The following KLF8 variants were observed in gnomAD, a reference collection of about 807,000 sequenced individuals.
KLF8 encodes the protein Krueppel-like factor 8.
KLF8 carries 10 observed loss-of-function variants against 18.2 expected under a neutral mutation model. That is an observed-to-expected ratio of 0.55 (90% CI 0.34 to 0.93). The LOEUF (loss-of-function observed/expected upper bound fraction) is 0.93. Among genes scored for constraint, KLF8 ranks in the 40% least tolerant of loss-of-function variants. The pLI is 0.02. For missense variants in KLF8, 264 were observed against 277.9 expected, an observed-to-expected ratio of 0.95 and a Z score of 0.36; for synonymous variants, 109 against 97.3, an observed-to-expected ratio of 1.12 and a Z score of -0.71.
intron 5 of KLF8, among the ~76,000 whole-genome samples, chrX:56,271,451 CCTT>C (rs896812292): frequency 1.1e-4 from 12 of 111,325 alleles, no homozygotes; most frequent in Non-Finnish European, 7.5e-5. Context: ...CTTGGAGACT[CCTT>C]CTCCATAGTG....
At chrX:56,175,235 G>A in the KLF8 span, among the ~76,000 whole-genome samples, 2 of 111,817 alleles carry the variant, frequency 1.8e-5, no homozygotes, top group African/African-American at 3.3e-5. Context: ...TGGGCATTTA[G>A]TGCTATAAAT....
chrX:56,160,467 C>T, the KLF8 span, among the ~76,000 whole-genome samples: 1 of 111,331 alleles, frequency 9.0e-6, no homozygotes, highest in East Asian at 2.8e-4. Context: ...TCTCGTTGAT[C>T]TGTCTAATGT....
chrX:56,059,136 C>T, the KLF8 span, among the ~76,000 whole-genome samples: 4 of 111,758 alleles, frequency 3.6e-5, no homozygotes, highest in African/African-American at 9.7e-5. Flanking sequence ...GTTTGCTGGC[C>T]GCATAAATGT....
chrX:56,249,280 T>C (rs2066670106), intron 1 of KLF8, among the ~76,000 whole-genome samples: 2 of 112,171 alleles, frequency 1.8e-5, no homozygotes, highest in South Asian at 7.4e-4. Context: ...AAAATGGAAG[T>C]GAGGTACAGA....
At chrX:56,050,051 G>T in the KLF8 span, among the ~76,000 whole-genome samples, 1 of 110,771 alleles carries the variant, frequency 9.0e-6, no homozygotes, top group African/African-American at 3.3e-5. Flanking sequence ...TAGTTTATTT[G>T]CATAGAGGTG....
At chrX:56,138,307 C>T in the KLF8 span, among the ~76,000 whole-genome samples, 1 of 111,533 alleles carries the variant, frequency 9.0e-6, no homozygotes, top group African/African-American at 3.3e-5. Context: ...TCCTCCCTAA[C>T]TCATTTTATG....
At chrX:56,174,044 G>T in the KLF8 span, among the ~76,000 whole-genome samples, 1 of 111,867 alleles carries the variant, frequency 8.9e-6, no homozygotes, top group Non-Finnish European at 1.9e-5. Context: ...TCTGCAAACA[G>T]GGACAATTTG....
the KLF8 span, among the ~76,000 whole-genome samples, chrX:56,183,166 A>G: frequency 8.9e-6 from 1 of 111,983 alleles, no homozygotes; most frequent in African/African-American, 3.2e-5. Context: ...AGCCTCAGCA[A>G]TGGCAGACGC....
At chrX:56,144,442 G>T in the KLF8 span, among the ~76,000 whole-genome samples, 1 of 110,123 alleles carries the variant, frequency 9.1e-6, no homozygotes, top group Non-Finnish European at 1.9e-5. Context: ...TCTAGTATCA[G>T]AATACATAAA....
At chrX:56,131,089 T>A in the KLF8 span, among the ~76,000 whole-genome samples, 1 of 111,692 alleles carries the variant, frequency 9.0e-6, no homozygotes, top group Non-Finnish European at 1.9e-5. Flanking sequence ...AAGAAAAATT[T>A]CCCTGGCCTT....
the KLF8 span, among the ~76,000 whole-genome samples, chrX:56,201,907 G>A: frequency 1.8e-5 from 2 of 111,322 alleles, no homozygotes; most frequent in African/African-American, 3.3e-5. Flanking sequence ...GAGTTATTTC[G>A]TTTATCAAGT....
chrX:56,052,578 C>T, the KLF8 span, among the ~76,000 whole-genome samples: 1 of 111,710 alleles, frequency 9.0e-6, no homozygotes, highest in African/African-American at 3.3e-5. Flanking sequence ...GTTAGGCTGC[C>T]CGGGGGTCAG....
the KLF8 span, among the ~76,000 whole-genome samples, chrX:56,183,343 T>C: frequency 1.1e-4 from 12 of 111,986 alleles, no homozygotes; most frequent in Non-Finnish European, 2.3e-4. Flanking sequence ...GGTGGGAGTT[T>C]CCTGATTTTC....
chrX:56,189,250 G>C, the KLF8 span, among the ~76,000 whole-genome samples: 1 of 112,048 alleles, frequency 8.9e-6, no homozygotes, highest in Non-Finnish European at 1.9e-5. Context: ...CATTTATGCA[G>C]CCAAAAAACA....
the KLF8 span, among the ~76,000 whole-genome samples, chrX:56,218,439 T>C: frequency 2.7e-5 from 3 of 111,658 alleles, no homozygotes; most frequent in Non-Finnish European, 5.6e-5. Context: ...ATTGACTGTT[T>C]CCTGTGTACA....
the KLF8 span, among the ~76,000 whole-genome samples, chrX:56,037,648 A>G: frequency 9.1e-6 from 1 of 110,290 alleles, no homozygotes; most frequent in African/African-American, 3.3e-5. Flanking sequence ...AATCCTTTTT[A>G]TAATTTCTTT....
the KLF8 span, among the ~76,000 whole-genome samples, chrX:56,116,027 G>A: frequency 2.7e-5 from 3 of 112,806 alleles, no homozygotes; most frequent in Non-Finnish European, 5.6e-5. Flanking sequence ...TCTAACTGAT[G>A]GTCAGCTTTT....
the KLF8 span, among the ~76,000 whole-genome samples, chrX:56,221,001 G>T: frequency 9.0e-6 from 1 of 111,665 alleles, no homozygotes; most frequent in South Asian, 3.7e-4. Context: ...TGACATTTTG[G>T]GTTTCCATTT....
chrX:56,266,755 G>T (rs1602451980), intron 3 of KLF8: 1 of 753,058 alleles, frequency 1.3e-6, no homozygotes, highest in East Asian at 1.5e-4. Context: ...GAAAGGCCAA[G>T]GGGTGGAAAT....
Sources: gnomAD v4.1 joint callset for allele counts (sites outside exome capture counted in the v4.1 genomes callset) on GRCh38, gnomAD v4.1.1 for gene constraint, MANE v1.5 for transcripts, NCBI Gene and HGNC (gene_info 2026-07-23, HGNC 2026-07-21) for gene names.